The following DLC1 variants were observed in gnomAD, a reference collection of about 807,000 sequenced individuals.
DLC1 encodes the protein rho GTPase-activating protein 7.
A neutral mutation model predicts 140.3 loss-of-function variants in DLC1; 54 were observed. The observed-to-expected ratio is 0.38, with a 90% CI of 0.31 to 0.48. The LOEUF is 0.48. Among genes scored for constraint, DLC1 ranks in the 20% least tolerant of loss-of-function variants. The pLI is 0.96. For synonymous variants in DLC1, 986 were observed against 728.1 expected, an observed-to-expected ratio of 1.35 and a Z score of -5.70; for missense variants, 2,536 against 1,907.0, an observed-to-expected ratio of 1.33 and a Z score of -6.14.
At chr8:13,198,609 C>G (rs543114175) in intron 5 of DLC1, among the ~76,000 whole-genome samples, 1 of 152,108 alleles carries the variant, frequency 6.6e-6, no homozygotes, top group African/African-American at 2.4e-5. Flanking sequence ...GTTTATCATT[C>G]TTCAAAATGG....
chr8:13,189,592 AG>A (rs1035543374), intron 5 of DLC1, among the ~76,000 whole-genome samples: 1 of 150,174 alleles, frequency 6.7e-6, no homozygotes, highest in Admixed American at 6.6e-5. Context: ...AGAGAAAAGA[AG>A]GCACTCTGGC....
At chr8:13,550,357 C>G (rs1023358895) in intron 1 of DLC1, among the ~76,000 whole-genome samples, 3 of 152,116 alleles carry the variant, frequency 2.0e-5, no homozygotes, top group Admixed American at 2.0e-4. Context: ...TTCCTGAGGC[C>G]TCCCCAGCCA....
chr8:13,229,527 T>C (rs1437642576), intron 5 of DLC1, among the ~76,000 whole-genome samples: 2 of 152,018 alleles, frequency 1.3e-5, no homozygotes, highest in Non-Finnish European at 2.9e-5. Flanking sequence ...CACAACTCCA[T>C]GAATGCATTA....
chr8:13,496,665 T>C (rs1249469120), intron 2 of DLC1, among the ~76,000 whole-genome samples: 1 of 152,078 alleles, frequency 6.6e-6, no homozygotes, highest in African/African-American at 2.4e-5. Flanking sequence ...ACTGTTGTTT[T>C]TCAGTACTAT....
intron 1 of DLC1, among the ~76,000 whole-genome samples, chr8:13,603,017 G>C (rs140800346): frequency 6.6e-6 from 1 of 151,798 alleles, no homozygotes; most frequent in Non-Finnish European, 1.5e-5. Flanking sequence ...GGGATTTTAC[G>C]TGGCAATAAC....
At chr8:13,181,557 A>T (rs562838933) in intron 5 of DLC1, among the ~76,000 whole-genome samples, 1 of 147,932 alleles carries the variant, frequency 6.8e-6, no homozygotes, top group East Asian at 2.0e-4. Flanking sequence ...TCATTGTTCA[A>T]TTCCCACCTA....
At chr8:13,382,533 G>GAAAT (rs1554509372) in intron 4 of DLC1, among the ~76,000 whole-genome samples, 12 of 83,010 alleles carry the variant, frequency 1.4e-4, no homozygotes, top group East Asian at 7.1e-4. Flanking sequence ...AAAAAAAAAA[G>GAAAT]AAAGAGGAGA....
At chr8:13,437,662 C>G (rs2116903402) in intron 2 of DLC1, among the ~76,000 whole-genome samples, 1 of 152,258 alleles carries the variant, frequency 6.6e-6, no homozygotes. Context: ...AACTGGCTCC[C>G]AGGGACAACT....
chr8:13,188,493 G>C (rs1235725968), intron 5 of DLC1, among the ~76,000 whole-genome samples: 1 of 149,028 alleles, frequency 6.7e-6, no homozygotes, highest in Non-Finnish European at 1.5e-5. Flanking sequence ...TTTGGGAGTT[G>C]AGAGGGACTT....
rs529135214 is a variant in DLC1 at position 13,444,405 on chromosome 8, A to C, written c.1024-42786T>G. Among the ~76,000 whole-genome samples the C allele has an allele frequency of 2.6e-5, 4 of 152,270 alleles. No individual in the cohort carries two copies. The East Asian group carries it at 7.7e-4, about 29-fold the overall frequency. On this transcript the variant is annotated intron_variant, in intron 2 of 17. Transcript: ENST00000276297. Reference sequence around the variant, plus strand: ...ATGACACATGTATACCTATGTAACAAACCTGCACATTATGCACATGTACTC... The same window carrying C: ...ATGACACATGTATACCTATGTAACACACCTGCACATTATGCACATGTACTC...
At chr8:13,175,999 A>G (rs1275612934) in intron 5 of DLC1, among the ~76,000 whole-genome samples, 4 of 152,190 alleles carry the variant, frequency 2.6e-5, no homozygotes, top group South Asian at 2.1e-4. Context: ...GTAAATGGAG[A>G]ATAATTTATC....
rs556952380 is a variant in DLC1 at position 13,325,714 on chromosome 8, A to T, written c.1315-20412T>A. Among the ~76,000 whole-genome samples, 11 of 152,370 alleles carry T rather than the reference A, an allele frequency of 7.2e-5. No individual in the cohort carries two copies. In the East Asian group the frequency reaches 1.9e-3, roughly 27 times the overall value. On this transcript the variant is annotated intron_variant, in intron 4 of 17. Coordinates refer to ENST00000276297, the MANE Select transcript of DLC1 (RefSeq NM_182643.3). ...AGAACGTTCGGCATTATCACTGATT[A>T]AGTTCAGGAGAGAATATTCTCTGGG...
At chr8:13,359,439 G>C (rs1388120184) in intron 4 of DLC1, among the ~76,000 whole-genome samples, 4 of 152,212 alleles carry the variant, frequency 2.6e-5, no homozygotes, top group African/African-American at 7.2e-5. Flanking sequence ...AGTGAAAAGA[G>C]TCCAGTTCTG....
At position 13,254,318 on chromosome 8, in the gene DLC1, C is replaced by G. The variant is rs540817043; in HGVS notation, c.1348+50951G>C. 1.2e-4 allele frequency among the ~76,000 whole-genome samples: 18 copies of G among 152,320 alleles called. 1 individual carries two copies. The South Asian group carries it at 3.7e-3, about 32-fold the overall frequency. ...TAGGGACACAGGCCAGAACACGCCTCCTACCCACTCAGGGGCCGGCTGCCT... is the reference window on the plus strand; with the variant it reads ...TAGGGACACAGGCCAGAACACGCCTGCTACCCACTCAGGGGCCGGCTGCCT... On this transcript the variant is annotated intron_variant, in intron 5 of 17. Coordinates refer to ENST00000276297, the MANE Select transcript of DLC1 (RefSeq NM_182643.3).
At chr8:13,576,073 T>A (rs1175660941) in intron 1 of DLC1, among the ~76,000 whole-genome samples, 1 of 152,174 alleles carries the variant, frequency 6.6e-6, no homozygotes, top group African/African-American at 2.4e-5. Flanking sequence ...ATTGAGTGCC[T>A]AAAGTTCAGC....
chr8:13,194,319 G>A (rs531999257), intron 5 of DLC1, among the ~76,000 whole-genome samples: 101 of 152,282 alleles, frequency 6.6e-4, no homozygotes, highest in Non-Finnish European at 1.3e-3. Flanking sequence ...CATCAGCCTC[G>A]GAAACTTCCT....
In DLC1 at chr8:13,326,021, A is replaced by G. The variant is rs1436985841; in HGVS notation, c.1315-20719T>C. Among the ~76,000 whole-genome samples, 22 of 103,858 alleles carry G rather than the reference A, an allele frequency of 2.1e-4. No individual in the cohort carries two copies. The Admixed American group carries it at 2.9e-3, about 13-fold the overall frequency. The allele number at this position is 103,858 out of a possible 152,430, so 68.1% of individuals were successfully genotyped here. A position where few individuals can be genotyped will look rare whatever the true frequency, so the allele number is the denominator to read the frequency against. Reference sequence around the variant, plus strand: ...TGACATTCAGTAATGGTGCTGCGCTATTTGGTTTTTCTTATAAAAAAAATA... The same window carrying G: ...TGACATTCAGTAATGGTGCTGCGCTGTTTGGTTTTTCTTATAAAAAAAATA... On this transcript the variant is annotated intron_variant, in intron 4 of 17. Transcript: ENST00000276297.
chr8:13,110,795 C>T lies in DLC1; in HGVS notation c.1449G>A (p.Leu483=). The T allele has an allele frequency of 6.2e-7, 1 of 1,614,006 alleles. No individual in the cohort carries two copies. Among genetic ancestry groups the T allele is most frequent in the Non-Finnish European group, 8.5e-7 (1 of 1,180,000 alleles). Residue 483 remains leucine (L), a synonymous_variant, in exon 7 of 18, where the codon TTG becomes TTA. Transcript: ENST00000276297. ...EDFLFPIDIS[L]VKREHDFLDR... ...CCAAAAAATCATGCTCTCTCTTGAC[C>T]AAGGAAATATCGATGGGGAACAGGA...
At position 13,115,675 on chromosome 8, in the gene DLC1, A is replaced by G. The variant is rs745322934; in HGVS notation, c.1349-18T>C. On this transcript the variant is annotated intron_variant, in intron 5 of 17. Coordinates refer to ENST00000276297, the MANE Select transcript of DLC1 (RefSeq NM_182643.3). Reference sequence around the variant, plus strand: ...TTCAATTTCTAGAACAGAACAGAAGAAAGACAAAATTAGCCATGTGTACCT... The same window carrying G: ...TTCAATTTCTAGAACAGAACAGAAGGAAGACAAAATTAGCCATGTGTACCT... 1 of 1,611,516 alleles carries G rather than the reference A, an allele frequency of 6.2e-7. No individual in the cohort carries two copies. The highest frequency in any genetic ancestry group is 8.5e-7 in the Non-Finnish European group (1 of 1,179,020).
Sources: allele counts gnomAD v4.1 joint callset (sites outside exome capture counted in the v4.1 genomes callset), GRCh38; gene constraint gnomAD v4.1.1; transcripts MANE v1.5; gene names NCBI Gene and HGNC (gene_info 2026-07-23, HGNC 2026-07-21).